Variants in FLT4 observed in about 807,000 individuals in gnomAD.
FLT4 encodes fms related receptor tyrosine kinase 4, also known as vascular endothelial growth factor receptor 3.
Under a neutral mutation model 163.2 loss-of-function variants are expected in FLT4, and 30 were observed. That is an observed-to-expected ratio of 0.18 (90% CI 0.14 to 0.25). The LOEUF (loss-of-function observed/expected upper bound fraction) is 0.25. FLT4 is among the 10% of genes least tolerant of loss of function. The probability of loss-of-function intolerance (pLI) is 1.00; values close to 1 mark genes in which losing one functional copy is unlikely to be tolerated. For synonymous variants in FLT4, 884 were observed against 789.5 expected (o/e 1.12, Z -2.01); for missense variants, 1,510 against 1,863.8 (o/e 0.81, Z 3.50).
chr5:180,631,340 G>A (rs1408678819), intron 2 of FLT4, among the ~76,000 whole-genome samples: 1 of 152,122 alleles, frequency 6.6e-6, no homozygotes, highest in Non-Finnish European at 1.5e-5. Context: ...GGGCGTGGTG[G>A]CGGGCACCTG....
At position 180,625,988 on chromosome 5, in the gene FLT4, G is replaced by A. The variant is rs749727252; in HGVS notation, c.1302C>T (p.Ile434=). ...IHEKEASSPS[I]YSRHSRQALT... ...GGGCCTGGCGGCTGTGACGCGAGTA[G>A]ATGCTGGGGGAGGAGGCCTCCTTCT... The change falls in exon 10 of 30, where the codon ATC becomes ATT. Residue 434 remains isoleucine, a synonymous_variant. Transcript: ENST00000261937. The A allele has an allele frequency of 1.9e-6, 3 of 1,612,648 alleles. No individual in the cohort carries two copies. Among genetic ancestry groups the A allele is most frequent in the Non-Finnish European group, 2.5e-6 (3 of 1,179,974 alleles).
In FLT4 at chr5:180,603,290, A is replaced by AT; in HGVS notation, c.3993_3994insA (p.Phe1332IlefsTer112). 1 of 1,613,984 alleles carries AT rather than the reference A, an allele frequency of 6.2e-7. No homozygotes were observed. Among genetic ancestry groups the AT allele is most frequent in the Non-Finnish European group, 8.5e-7 (1 of 1,180,002 alleles). ...AGCTCCCCATACTCGCTGTTGTAAA[A>AT]CACCTGGCCTCCTCGGGCCCCCCGC... On this transcript the variant is annotated frameshift_variant, in exon 30 of 30. Transcript: ENST00000261937. LOFTEE classifies it low-confidence loss of function (END_TRUNC).
intron 1 of FLT4, among the ~76,000 whole-genome samples, chr5:180,640,261 G>C (rs1314107742): frequency 2.6e-5 from 4 of 152,234 alleles, no homozygotes; most frequent in Non-Finnish European, 4.4e-5. Flanking sequence ...AGCAGCCTGG[G>C]AGGGAGGGCT....
chr5:180,648,987 G>T (rs1270933946), intron 1 of FLT4, among the ~76,000 whole-genome samples: 1 of 152,170 alleles, frequency 6.6e-6, no homozygotes, highest in African/African-American at 2.4e-5. Context: ...CACGGGGAGG[G>T]GGAAGCCCGC....
At chr5:180,644,070 G>T (rs1254148083) in intron 1 of FLT4, among the ~76,000 whole-genome samples, 1 of 152,158 alleles carries the variant, frequency 6.6e-6, no homozygotes, top group African/African-American at 2.4e-5. Flanking sequence ...GCCCGCCTTG[G>T]CCTCCCGAAG....
intron 11 of FLT4, 116 bp from the exon 12 acceptor site, chr5:180,622,955 G>A (rs1763283265): frequency 2.7e-6 from 2 of 749,316 alleles, no homozygotes; most frequent in Admixed American, 4.0e-5. Flanking sequence ...GGGAAACTGA[G>A]GCTTTGGGCT....
Position 180,621,682 on chromosome 5 carries a change from A to G in FLT4, c.1880T>C (p.Val627Ala), listed in dbSNP as rs1323520490. ...CGTGGCGTGGCGCGCCCCAGGTGCCACCTCCTCCAGGCTGGCGGCCAGAGG... is the reference window on the plus strand; with the variant it reads ...CGTGGCGTGGCGCGCCCCAGGTGCCGCCTCCTCCAGGCTGGCGGCCAGAGG... ...ATPLAASLEE[V>A]APGARHATLS... Residue 627 changes from valine (V) to alanine (A), a missense_variant, in exon 13 of 30, where the codon GTG (valine) becomes GCG (alanine). Coordinates refer to ENST00000261937, the MANE Select transcript of FLT4 (RefSeq NM_182925.5). The G allele has an allele frequency of 6.2e-7, 1 of 1,611,426 alleles. No homozygotes were observed. Among genetic ancestry groups the G allele is most frequent in the South Asian group, 1.1e-5 (1 of 91,006 alleles).
chr5:180,620,479 G>T lies in FLT4; in HGVS notation c.2406+130C>A. The T allele has an allele frequency of 1.7e-6, 2 of 1,177,760 alleles. No individual in the cohort carries two copies. The highest frequency in any genetic ancestry group is 2.5e-6 in the Non-Finnish European group (2 of 797,242). The allele number at this position is 1,177,760 out of a possible 1,614,324, so 73.0% of individuals were successfully genotyped here. A position where few individuals can be genotyped will look rare whatever the true frequency, so the allele number is the denominator to read the frequency against. ...TGCGGGGTTGGAGCCCAGCGTGAAG[G>T]GCAGGGAGGCTTCCCAGGAAACAAG... On this transcript the variant is annotated intron_variant, in intron 16 of 29. Coordinates refer to ENST00000261937, the MANE Select transcript of FLT4 (RefSeq NM_182925.5). The surrounding 1 kb of genome is among the most constrained non-coding windows in gnomAD (Gnocchi z 4.4).
In FLT4 at chr5:180,613,029, T is replaced by G; in HGVS notation, c.3413A>C (p.Glu1138Ala). The change falls in exon 25 of 30, where the codon GAG becomes GCG. Residue 1138 changes from glutamate to alanine, a missense_variant. Transcript: ENST00000261937. ...LRDGTRMRAP[E>A]LATPAIRRIM... is the part of the protein sequence containing the mutation. ...GGCTCACATGGCGGGAGTGGCCAGCTCCGGGGCCCTCATCCTTGTGCCGTC... is the reference window on the plus strand; with the variant it reads ...GGCTCACATGGCGGGAGTGGCCAGCGCCGGGGCCCTCATCCTTGTGCCGTC... 1.2e-6 allele frequency: 2 copies of G among 1,612,946 alleles called. No homozygotes were observed.
At chr5:180,640,613 A>C (rs1055347095) in intron 1 of FLT4, among the ~76,000 whole-genome samples, 1 of 152,226 alleles carries the variant, frequency 6.6e-6, no homozygotes, top group African/African-American at 2.4e-5. Flanking sequence ...CTTTAAGCTA[A>C]TGATGCCGTT....
At position 180,619,022 on chromosome 5, in the gene FLT4, G is replaced by A; in HGVS notation, c.2849C>T (p.Ala950Val). The stretch of plus-strand genomic sequence containing the variant: ...GCGCCCCGCAGGCCGCCCGCTCACC[G>A]CGCAGGGGCTGAAGGCGTCCCGCTT... The part of the protein sequence containing the change: ...RAKRDAFSPC[A>V]EKSPEQRGRF... The change falls in exon 20 of 30, where the codon GCG becomes GTG. Residue 950 changes from alanine to valine, a missense_variant and splice_region_variant. This residue lies in a region of FLT4 where 878 missense variants were observed against 1,016.7 expected (regional missense o/e 0.86). Transcript: ENST00000261937. The A allele has an allele frequency of 6.4e-7, 1 of 1,551,994 alleles. No individual in the cohort carries two copies. Among genetic ancestry groups the A allele is most frequent in the Non-Finnish European group, 8.7e-7 (1 of 1,148,582 alleles).
rs993336845 is a variant in FLT4, at chr5:180,608,379, T to G, written c.3893+589A>C. The stretch of plus-strand genomic sequence containing the variant: ...CCCTCCTGACCCTGCCCCCTTGTCT[T>G]GCATGCAATAAATATCAGCGTGCTC... On this transcript the variant is annotated intron_variant, in intron 29 of 29. Coordinates refer to ENST00000261937, the MANE Select transcript of FLT4 (RefSeq NM_182925.5). 10 of 698,660 alleles carry G rather than the reference T, an allele frequency of 1.4e-5. No individual in the cohort carries two copies. In the African/African-American group the frequency reaches 1.7e-4, roughly 12 times the overall value. The allele number at this position is 698,660 out of a possible 1,614,324, so 43.3% of individuals were successfully genotyped here.
At chr5:180,607,843 G>A (rs1039132569) in intron 29 of FLT4, 47 of 523,484 alleles carry the variant, frequency 9.0e-5, no homozygotes, top group Non-Finnish European at 1.7e-5. Flanking sequence ...GTCAGGTGCT[G>A]AAGGGACATT....
At chr5:180,646,735 A>G (rs1275156424) in intron 1 of FLT4, among the ~76,000 whole-genome samples, 3 of 152,058 alleles carry the variant, frequency 2.0e-5, no homozygotes. Flanking sequence ...CCGAACAGGC[A>G]CTATGCTGGG....
chr5:180,631,449 G>T (rs969531236), intron 2 of FLT4, among the ~76,000 whole-genome samples: 1 of 151,986 alleles, frequency 6.6e-6, no homozygotes, highest in Non-Finnish European at 1.5e-5. Flanking sequence ...CTCCAGCCTG[G>T]GTGACAGAGT....
intron 23 of FLT4, among the ~76,000 whole-genome samples, chr5:180,615,047 T>C (rs1762532939): frequency 6.6e-6 from 1 of 151,958 alleles, no homozygotes; most frequent in African/African-American, 2.4e-5. Flanking sequence ...ACTCTCAGGC[T>C]CCATAGGGCA....
In FLT4 at chr5:180,621,015, G is replaced by A. The variant is rs2127814276; in HGVS notation, c.2168-8C>T. On this transcript the variant is annotated splice_polypyrimidine_tract_variant and splice_region_variant and intron_variant, in intron 14 of 29. Transcript: ENST00000261937. ...AGTCCGCCAAGTCGACTCCTGCAGG[G>A]GGTGGGGTGGAGGTGCGGGTCCACC... is the stretch of plus-strand genomic sequence containing the variant. 6.2e-7 allele frequency: 1 copy of A among 1,611,570 alleles called. No individual in the cohort carries two copies. The highest frequency in any genetic ancestry group is 1.3e-5 in the African/African-American group (1 of 75,036).
intron 2 of FLT4, among the ~76,000 whole-genome samples, chr5:180,631,025 A>G (rs1764081527): frequency 6.6e-6 from 1 of 151,142 alleles, no homozygotes; most frequent in African/African-American, 2.4e-5. Context: ...CAGGCCTTGG[A>G]TCACAGCTGG....
chr5:180,625,200 C>T (rs1581662194), intron 10 of FLT4, among the ~76,000 whole-genome samples: 2 of 152,344 alleles, frequency 1.3e-5, no homozygotes, highest in East Asian at 3.9e-4. Flanking sequence ...CACTTCTCAA[C>T]ACCCTTCACT....
Sources: gnomAD v4.1 joint callset for allele counts (sites outside exome capture counted in the v4.1 genomes callset) on GRCh38, gnomAD v4.1.1 for gene constraint, gnomAD v4.1.1 regional missense constraint, Gnocchi (gnomAD v3.1) non-coding constraint, MANE v1.5 for transcripts, NCBI Gene and HGNC (gene_info 2026-07-23, HGNC 2026-07-21) for gene names.